Variants in FARSB observed in about 807,000 individuals in gnomAD.
The protein encoded by FARSB is phenylalanine--tRNA ligase beta subunit.
FARSB carries 40 observed loss-of-function variants against 69.6 expected under a neutral mutation model. The observed-to-expected ratio is 0.57, with a 90% CI of 0.45 to 0.75. FARSB has a LOEUF of 0.75. Among genes scored for constraint, FARSB ranks in the 30% least tolerant of loss-of-function variants. FARSB has a pLI of 0.00. For missense variants in FARSB, 632 were observed against 722.9 expected (o/e 0.87, Z 1.44); for synonymous variants, 235 against 247.2 (o/e 0.95, Z 0.46).
intron 15 of FARSB, among the ~76,000 whole-genome samples, chr2:222,604,882 A>G (rs573809282): frequency 2.0e-5 from 3 of 151,864 alleles, no homozygotes; most frequent in African/African-American, 7.2e-5. Flanking sequence ...CTCAATAATT[A>G]TTTTCTGAGT....
chr2:222,606,702 T>C (rs1428516913), intron 15 of FARSB, among the ~76,000 whole-genome samples: 1 of 152,244 alleles, frequency 6.6e-6, no homozygotes, highest in East Asian at 1.9e-4. Flanking sequence ...AAATGACTAT[T>C]ACATATAACT....
intron 3 of FARSB, among the ~76,000 whole-genome samples, chr2:222,641,785 C>A (rs910395906): frequency 2.0e-5 from 3 of 152,108 alleles, no homozygotes; most frequent in African/African-American, 7.2e-5. Flanking sequence ...CCAACTGAGT[C>A]AACTCTAAAA....
chr2:222,584,994 G>A (rs191314336), intron 16 of FARSB, among the ~76,000 whole-genome samples: 2 of 152,156 alleles, frequency 1.3e-5, no homozygotes, highest in Non-Finnish European at 2.9e-5. Context: ...AGAGAGTAGT[G>A]GTTCTCCCAG....
At chr2:222,621,009 A>C (rs1691121345) in intron 13 of FARSB, among the ~76,000 whole-genome samples, 1 of 152,244 alleles carries the variant, frequency 6.6e-6, no homozygotes, top group Non-Finnish European at 1.5e-5. Context: ...TGACATGCAC[A>C]CTGGGGATAA....
chr2:222,590,205 G>A (rs1336138760), intron 16 of FARSB, among the ~76,000 whole-genome samples: 1 of 152,162 alleles, frequency 6.6e-6, no homozygotes, highest in East Asian at 1.9e-4. Flanking sequence ...ACGAGTTCAT[G>A]TCCTTTGTAG....
chr2:222,639,334 C>T (rs1401000227), intron 5 of FARSB, among the ~76,000 whole-genome samples: 1 of 152,122 alleles, frequency 6.6e-6, no homozygotes, highest in Non-Finnish European at 1.5e-5. Context: ...TCCTGTTTCT[C>T]CATGCATATG....
At position 222,640,885 on chromosome 2, in the gene FARSB, G is replaced by T; in HGVS notation, c.316C>A (p.Gln106Lys). ...ACCTCTTCTGTGATAATCAATTTCT[G>T]GATTTTTCCATCAGGCATTACCCGT... ...YKRVMPDGKI[Q>K]KLIITEETAK... Residue 106 changes from glutamine (Q) to lysine (K), a missense_variant, in exon 4 of 17, where the codon CAG becomes AAG. By Grantham distance (53) the Gln-to-Lys change is moderately conservative. Transcript: ENST00000281828. The T allele has an allele frequency of 6.4e-7, 1 of 1,558,432 alleles. No homozygotes were observed. The highest frequency in any genetic ancestry group is 1.2e-5 in the South Asian group (1 of 85,744).
At position 222,622,916 on chromosome 2, in the gene FARSB, A is replaced by G. The variant is rs377466854; in HGVS notation, c.1251+734T>C. Among the ~76,000 whole-genome samples the G allele has an allele frequency of 1.8e-4, 28 of 152,352 alleles. No homozygotes were observed. The South Asian group carries it at 5.6e-3, about 30-fold the overall frequency. ...CTTAATGCTTAATATTTATTAAGCA[A>G]ACTAGAAGTAGAGTCCCTTAAATAC... On this transcript the variant is annotated intron_variant, in intron 13 of 16. Coordinates refer to ENST00000281828, the MANE Select transcript of FARSB (RefSeq NM_005687.5).
intron 16 of FARSB, among the ~76,000 whole-genome samples, chr2:222,579,381 A>G (rs1689913538): frequency 6.6e-6 from 1 of 152,264 alleles, no homozygotes; most frequent in African/African-American, 2.4e-5. Context: ...CTTAGGACAT[A>G]CCCAAGTAGG....
At chr2:222,591,014 A>G (rs935847201) in intron 16 of FARSB, among the ~76,000 whole-genome samples, 2 of 152,210 alleles carry the variant, frequency 1.3e-5, no homozygotes, top group Admixed American at 1.3e-4. Context: ...CAATAAACTC[A>G]TTTGCTTGGA....
At chr2:222,655,909 G>A in intron 1 of FARSB, 107 bp downstream of exon 1, 1 of 923,102 alleles carries the variant, frequency 1.1e-6, no homozygotes, top group Non-Finnish European at 1.7e-6. Flanking sequence ...CGGCCTCCCG[G>A]AGCCAAAACC....
intron 16 of FARSB, among the ~76,000 whole-genome samples, chr2:222,591,054 G>T (rs1399732002): frequency 6.6e-6 from 1 of 151,674 alleles, no homozygotes; most frequent in Middle Eastern, 3.2e-3. Flanking sequence ...AAAAATAAAA[G>T]AATTAGCTGG....
intron 16 of FARSB, among the ~76,000 whole-genome samples, chr2:222,595,808 T>C (rs1690397635): frequency 6.6e-6 from 1 of 152,100 alleles, no homozygotes; most frequent in Non-Finnish European, 1.5e-5. Flanking sequence ...TGTGGAGAAT[T>C]TTCCTTGCCC....
intron 16 of FARSB, among the ~76,000 whole-genome samples, chr2:222,585,996 T>G (rs924886699): frequency 1.3e-5 from 2 of 152,084 alleles, no homozygotes; most frequent in Non-Finnish European, 2.9e-5. Flanking sequence ...ACCATTCAAT[T>G]CAGGAAATAC....
intron 1 of FARSB, among the ~76,000 whole-genome samples, chr2:222,651,312 T>C (rs139046893): frequency 2.6e-5 from 4 of 152,088 alleles, no homozygotes; most frequent in African/African-American, 7.2e-5. Flanking sequence ...TGTGCTTATG[T>C]GAAAAAAAGA....
exon 1 of FARSB, chr2:222,656,085 CTCACTGCGCCTGCGCA>C (rs747006594): frequency 6.3e-7 from 1 of 1,582,774 alleles, no homozygotes; most frequent in South Asian, 1.1e-5. Flanking sequence ...GTGTGTCGAA[CTCACTGCGCCTGCGCA>C]GCGAGCTGAC....
intron 5 of FARSB, among the ~76,000 whole-genome samples, chr2:222,634,758 C>A (rs1050214596): frequency 2.6e-5 from 4 of 152,122 alleles, no homozygotes; most frequent in Admixed American, 2.6e-4. Flanking sequence ...ATTAAGAGTA[C>A]TGAGAAATCA....
At position 222,633,284 on chromosome 2, in the gene FARSB, A is replaced by G. The variant is rs1691486022; in HGVS notation, c.630T>C (p.Tyr210=). The G allele has an allele frequency of 1.3e-6, 2 of 1,550,098 alleles. No individual in the cohort carries two copies. Among genetic ancestry groups the G allele is most frequent in the Admixed American group, 1.9e-5 (1 of 51,906 alleles). ...GGGGTTTGTTTTCAATGATATGTAA[A>G]TAATGTTTCAGGTGATTGTCAGTCT... The part of the protein sequence containing the change: ...IYKTDNHLKH[Y]LHIIENKPLY... The change falls in exon 7 of 17, where the codon TAT becomes TAC. Residue 210 remains tyrosine (Y), a synonymous_variant. Transcript: ENST00000281828.
chr2:222,570,461 A>G lies in FARSB; in HGVS notation c.*1410T>C, dbSNP rs532387133. 1 of 152,260 alleles carries G rather than the reference A, an allele frequency of 6.6e-6. No individual in the cohort carries two copies. Among genetic ancestry groups the G allele is most frequent in the African/African-American group, 2.4e-5 (1 of 41,534 alleles). The allele number at this position is 152,260 out of a possible 1,614,324, so 9.4% of individuals were successfully genotyped here. ...TTGTAATATGGTCAGGTTTTCTCCT[A>G]GTAGTAGACTCAGCAAAAGATCCAT... On this transcript the variant is annotated 3_prime_UTR_variant, in exon 17 of 17. Transcript: ENST00000281828.
Sources: allele counts gnomAD v4.1 joint callset (sites outside exome capture counted in the v4.1 genomes callset), GRCh38; gene constraint gnomAD v4.1.1; transcripts MANE v1.5; gene names NCBI Gene and HGNC (gene_info 2026-07-23, HGNC 2026-07-21).